RBPJ: variants seen among roughly 807,000 people sequenced by gnomAD.
RBPJ encodes the protein recombining binding protein suppressor of hairless.
In RBPJ, 9 loss-of-function variants were observed where a neutral mutation model predicts 67.8. That is an observed-to-expected ratio of 0.13 (90% confidence interval 0.08 to 0.23). RBPJ has a LOEUF of 0.23. RBPJ is among the 10% of genes least tolerant of loss of function. RBPJ has a pLI of 1.00. For missense variants in RBPJ, 305 were observed against 595.6 expected, an observed-to-expected ratio of 0.51 and a Z score of 5.08; for synonymous variants, 198 against 203.3, an observed-to-expected ratio of 0.97 and a Z score of 0.22.
At chr4:26,418,504 T>C (rs377744435) in intron 4 of RBPJ, among the ~76,000 whole-genome samples, 30 of 152,302 alleles carry the variant, frequency 2.0e-4, no homozygotes, top group African/African-American at 6.5e-4. Flanking sequence ...CAAGGAGATA[T>C]ATGTGTGTTT....
In RBPJ at chr4:26,253,955, A is replaced by T. The variant is rs1720207013; in HGVS notation, c.-167+90341A>T. On this transcript the variant is annotated intron_variant, in intron 1 of 4. Coordinates refer to the RBPJ transcript ENST00000512351. The stretch of plus-strand genomic sequence containing the variant: ...AAAACAACATTGGTGCAAAGTGATG[A>T]TAGTCATGTTTAAAGGTTTTGGAGT... 1.3e-5 allele frequency among the ~76,000 whole-genome samples: 2 copies of T among 149,034 alleles called. 1 individual carries two copies. Among genetic ancestry groups the T allele is most frequent in the African/African-American group, 5.2e-5 (2 of 38,448 alleles).
At chr4:26,398,404 C>A (rs1274500329) in intron 2 of RBPJ, among the ~76,000 whole-genome samples, 1 of 152,184 alleles carries the variant, frequency 6.6e-6, no homozygotes, top group Non-Finnish European at 1.5e-5. Flanking sequence ...CGCAAACTCA[C>A]CGCTATAATT....
At chr4:26,376,379 A>G (rs927618180) in intron 1 of RBPJ, among the ~76,000 whole-genome samples, 3 of 152,046 alleles carry the variant, frequency 2.0e-5, no homozygotes, top group African/African-American at 4.8e-5. Flanking sequence ...ATCATATAAT[A>G]TTTGTCCTTT....
chr4:26,290,388 T>C (rs1721629521), intron 1 of RBPJ, among the ~76,000 whole-genome samples: 1 of 148,936 alleles, frequency 6.7e-6, no homozygotes, highest in African/African-American at 2.5e-5. Context: ...TGGACCAATA[T>C]GCTGTGACTC....
the RBPJ span, among the ~76,000 whole-genome samples, chr4:26,148,281 G>A: frequency 6.6e-6 from 1 of 152,152 alleles, no homozygotes; most frequent in Non-Finnish European, 1.5e-5. Context: ...TTTCCAGTGA[G>A]CATTCAAAGT....
At chr4:26,304,260 C>T (rs1722164095) in intron 1 of RBPJ, among the ~76,000 whole-genome samples, 1 of 152,220 alleles carries the variant, frequency 6.6e-6, no homozygotes, top group South Asian at 2.1e-4. Context: ...AGTTGATGGA[C>T]ATTTGCATTG....
chr4:26,362,652 G>A (rs758752086), intron 1 of RBPJ: 4 of 1,597,116 alleles, frequency 2.5e-6, no homozygotes, highest in Non-Finnish European at 3.4e-6. Context: ...ATCTCCCAGT[G>A]ACCCCAAGGT....
chr4:26,383,623 T>C (rs1004016434), intron 1 of RBPJ, among the ~76,000 whole-genome samples: 32 of 152,228 alleles, frequency 2.1e-4, no homozygotes, highest in Non-Finnish European at 4.3e-4. Flanking sequence ...TTAAAGAGTA[T>C]CTTAAACTTT....
chr4:26,368,118 T>C (rs1368702085), intron 1 of RBPJ: 1 of 152,240 alleles, frequency 6.6e-6, no homozygotes, highest in East Asian at 1.9e-4. Flanking sequence ...TTACAGAAGA[T>C]AAATAACCTC....
chr4:26,130,554 C>T, the RBPJ span, among the ~76,000 whole-genome samples: 1 of 152,102 alleles, frequency 6.6e-6, no homozygotes, highest in Non-Finnish European at 1.5e-5. Flanking sequence ...CTGCAGCAAC[C>T]GAGTCCTGCC....
chr4:26,383,532 C>G (rs1482480309), intron 1 of RBPJ, among the ~76,000 whole-genome samples: 1 of 152,184 alleles, frequency 6.6e-6, no homozygotes, highest in African/African-American at 2.4e-5. Flanking sequence ...AGAATTTGGT[C>G]ATACCTCACT....
At chr4:26,135,151 T>C in the RBPJ span, among the ~76,000 whole-genome samples, 76,777 of 151,860 alleles carry the variant, frequency 0.51, 19,452 homozygotes, top group East Asian at 0.59. Context: ...CCCCTCAACA[T>C]CCTCAATGTG....
chr4:26,191,206 TATATAGAG>T (rs1165289850), intron 1 of RBPJ, among the ~76,000 whole-genome samples: 617 of 30,418 alleles, frequency 0.02, no homozygotes, highest in East Asian at 0.026. Flanking sequence ...TATATATATA[TATATAGAG>T]AGAGAGAGAG....
intron 1 of RBPJ, among the ~76,000 whole-genome samples, chr4:26,281,190 G>A (rs193184300): frequency 1.1e-4 from 16 of 152,112 alleles, no homozygotes; most frequent in Middle Eastern, 3.4e-3. Flanking sequence ...TCACAGTTCC[G>A]CAGGCTTAAT....
the RBPJ span, among the ~76,000 whole-genome samples, chr4:26,141,245 G>T: frequency 1.3e-5 from 2 of 152,364 alleles, no homozygotes; most frequent in Admixed American, 6.5e-5. Context: ...TTCATGCGTG[G>T]ATGTTCCTGC....
intron 1 of RBPJ, among the ~76,000 whole-genome samples, chr4:26,303,260 T>C (rs974289053): frequency 6.8e-6 from 1 of 147,162 alleles, no homozygotes; most frequent in East Asian, 1.9e-4. Context: ...ATATGAAATA[T>C]ATATGTAATC....
intron 1 of RBPJ, among the ~76,000 whole-genome samples, chr4:26,312,454 C>T (rs1389368263): frequency 8.5e-5 from 13 of 152,128 alleles, no homozygotes; most frequent in Admixed American, 8.5e-4. Flanking sequence ...TATGACCCTG[C>T]TTAGAATGCC....
intron 1 of RBPJ, among the ~76,000 whole-genome samples, chr4:26,301,985 G>T (rs1722093370): frequency 6.6e-6 from 1 of 152,128 alleles, no homozygotes; most frequent in African/African-American, 2.4e-5. Context: ...TAGAGATGGG[G>T]TTTCGCCATG....
At chr4:26,394,026 A>ATT (rs5856942) in intron 2 of RBPJ, among the ~76,000 whole-genome samples, 32 of 131,842 alleles carry the variant, frequency 2.4e-4, no homozygotes, top group African/African-American at 7.8e-4. Flanking sequence ...CTATGGATTC[A>ATT]TTTTTTTTTT....
Sources: allele counts gnomAD v4.1 joint callset (sites outside exome capture counted in the v4.1 genomes callset), GRCh38; gene constraint gnomAD v4.1.1; transcripts MANE v1.5; gene names NCBI Gene and HGNC (gene_info 2026-07-23, HGNC 2026-07-21).